CHD4: variants seen among roughly 807,000 people sequenced by gnomAD.
CHD4 encodes chromodomain helicase DNA binding protein 4, also known as ATP-dependent chromatin remodeler CHD4.
In CHD4, 35 loss-of-function variants were observed where a neutral mutation model predicts 235.5. The ratio of observed to expected loss-of-function variants is 0.15; its 90% CI spans 0.11 to 0.20. The LOEUF (loss-of-function observed/expected upper bound fraction) is 0.20. Ranked by LOEUF, CHD4 falls within the 10% of genes least tolerant of loss-of-function variation. CHD4 has a pLI of 1.00. For synonymous variants in CHD4, 900 were observed against 850.2 expected (o/e 1.06, Z -1.02); for missense variants, 1,329 against 2,432.3 (o/e 0.55, Z 9.54).
chr12:6,572,923 TACTA>T, intron 38 of CHD4, 147 bp downstream of exon 38: 1 of 704,550 alleles, frequency 1.4e-6, no homozygotes, highest in Non-Finnish European at 2.3e-6. Flanking sequence ...GCCTCTAAGA[TACTA>T]ACCTCCCAAG....
At chr12:6,585,697 G>C (rs796254830) in intron 25 of CHD4, among the ~76,000 whole-genome samples, 32 of 151,520 alleles carry the variant, frequency 2.1e-4, no homozygotes, top group African/African-American at 7.0e-4. Flanking sequence ...GCTGAGGCAA[G>C]AGAACTGCTT....
rs114047209 is a variant in CHD4, at chr12:6,579,546, T to C, written c.4910-629A>G. The C allele has an allele frequency of 8.4e-3, 1,249 of 148,040 alleles. 22 individuals are homozygous for C. The highest frequency in any genetic ancestry group is 0.03 in the African/African-American group (1,196 of 39,720). The allele number at this position is 148,040 out of a possible 1,614,324, so 9.2% of individuals were successfully genotyped here. The stretch of plus-strand genomic sequence containing the variant: ...TTGCAGTGAGCCAAGATCACACCAC[T>C]GCACTGCACATCAGCCTGGGCGACG... On this transcript the variant is annotated intron_variant, in intron 33 of 39. Coordinates refer to ENST00000544040, the MANE Select transcript of CHD4 (RefSeq NM_001273.5).
rs114435287 is a variant in CHD4, at chr12:6,582,318, C to T, written c.4371-37G>A. 686 of 1,523,008 alleles carry T rather than the reference C, an allele frequency of 4.5e-4. 4 individuals are homozygous for T. The African/African-American group carries it at 8.9e-3, about 20-fold the overall frequency. 94.3% of individuals were successfully genotyped at this position (1,523,008 alleles called of 1,614,324 possible). A position where few individuals can be genotyped will look rare whatever the true frequency, so the allele number is the denominator to read the frequency against. On this transcript the variant is annotated intron_variant, in intron 29 of 39. Coordinates refer to ENST00000544040, the MANE Select transcript of CHD4 (RefSeq NM_001273.5). ...AGTAGAGAAAGAGTTAAATAGGGAT[C>T]ATGCTGACTCTTAGATTCTTTTCCA...
chr12:6,585,692 G>C (rs1361549192), intron 25 of CHD4, among the ~76,000 whole-genome samples: 1 of 151,554 alleles, frequency 6.6e-6, no homozygotes, highest in Non-Finnish European at 1.5e-5. Flanking sequence ...GGGAGGCTGA[G>C]GCAAGAGAAC....
At chr12:6,588,532 C>T (rs946610875) in intron 22 of CHD4, 110 bp from the exon 23 acceptor site, 7 of 1,212,036 alleles carry the variant, frequency 5.8e-6, no homozygotes, top group African/African-American at 1.5e-5. Flanking sequence ...AATCTCAGCA[C>T]TTTGGGAGGC....
chr12:6,592,960 T>C, intron 17 of CHD4, 131 bp downstream of exon 17: 2 of 1,511,034 alleles, frequency 1.3e-6, no homozygotes, highest in Non-Finnish European at 8.9e-7. Context: ...CCAAGGGCTG[T>C]CACATACAAG....
At chr12:6,607,013 G>A (rs566636723) in intron 1 of CHD4, 2 of 149,848 alleles carry the variant, frequency 1.3e-5, no homozygotes, top group Non-Finnish European at 1.5e-5. Context: ...CGGGCCACGT[G>A]TCCCGGGGGG....
At chr12:6,588,496 A>G in intron 22 of CHD4, 74 bp from the exon 23 acceptor site, 3 of 1,546,042 alleles carry the variant, frequency 1.9e-6, no homozygotes, top group East Asian at 2.3e-5. Context: ...TAAAAAATTA[A>G]GCCGGGGGCA....
intron 25 of CHD4, among the ~76,000 whole-genome samples, chr12:6,586,494 G>A (rs1259860900): frequency 2.0e-5 from 3 of 152,056 alleles, no homozygotes; most frequent in Admixed American, 2.0e-4. Flanking sequence ...GGAGGTCAAG[G>A]CAGGAGAACT....
At chr12:6,577,571 T>C (rs1053549857) in intron 37 of CHD4, 16 of 597,478 alleles carry the variant, frequency 2.7e-5, no homozygotes, top group East Asian at 2.1e-4. Flanking sequence ...GTGTCACTGA[T>C]TGGACACATA....
At chr12:6,602,543 G>A (rs1262368798) in intron 2 of CHD4, 46 bp from the exon 3 acceptor site, 4 of 1,603,292 alleles carry the variant, frequency 2.5e-6, no homozygotes, top group African/African-American at 1.4e-5. Context: ...AAGATCAATA[G>A]CAAAAGGTTA....
At chr12:6,598,839 A>G (rs1445479861) in intron 10 of CHD4, among the ~76,000 whole-genome samples, 1 of 152,214 alleles carries the variant, frequency 6.6e-6, no homozygotes, top group African/African-American at 2.4e-5. Flanking sequence ...CATTTCAAAT[A>G]AAATCTAATC....
chr12:6,594,831 A>G (rs564019103), intron 14 of CHD4, among the ~76,000 whole-genome samples, 181 bp from the exon 15 acceptor site: 3 of 152,348 alleles, frequency 2.0e-5, no homozygotes, highest in African/African-American at 7.2e-5. Flanking sequence ...GTCCTCCAGG[A>G]AACAGGGCTT....
Position 6,591,949 on chromosome 12 carries a change from G to A in CHD4, c.3057C>T (p.Cys1019=). 1 of 1,614,250 alleles carries A rather than the reference G, an allele frequency of 6.2e-7. No individual in the cohort carries two copies. The highest frequency in any genetic ancestry group is 8.5e-7 in the Non-Finnish European group (1 of 1,180,052). The part of the protein sequence containing the change: ...LNVVMDLKKC[C]NHPYLFPVAA... The stretch of plus-strand genomic sequence containing the variant: ...CCACAGGGAAGAGGTATGGATGGTT[G>A]CAGCACTTCTTAAGATCCATCACCA... The change falls in exon 20 of 40, where the codon TGC becomes TGT. Residue 1019 remains cysteine, a synonymous_variant. Transcript: ENST00000544040.
intron 38 of CHD4, 187 bp from the exon 39 acceptor site, chr12:6,571,219 A>C: frequency 1.5e-6 from 1 of 648,842 alleles, no homozygotes. Flanking sequence ...ACTGTCCATG[A>C]TTTTGTGCTT....
intron 25 of CHD4, chr12:6,587,163 T>C (rs1030961423): frequency 1.3e-5 from 7 of 549,646 alleles, no homozygotes; most frequent in Non-Finnish European, 2.2e-5. Flanking sequence ...AAAATAACTG[T>C]TGTGAGCATG....
intron 25 of CHD4, among the ~76,000 whole-genome samples, chr12:6,585,885 G>A (rs1948283419): frequency 6.6e-6 from 1 of 151,184 alleles, no homozygotes; most frequent in Non-Finnish European, 1.5e-5. Context: ...ATCACTTGAG[G>A]TCAGGAGTTC....
chr12:6,578,190 G>A (rs1345425527), intron 35 of CHD4, 53 bp from the exon 36 acceptor site: 6 of 1,499,714 alleles, frequency 4.0e-6, no homozygotes, highest in Admixed American at 1.7e-5. Context: ...ACATCTGTGA[G>A]AATTGAAAAA....
chr12:6,572,922 A>C, intron 38 of CHD4, 152 bp downstream of exon 38: 3 of 706,442 alleles, frequency 4.2e-6, no homozygotes, highest in Non-Finnish European at 6.8e-6. Flanking sequence ...TGCCTCTAAG[A>C]TACTAACCTC....
Sources: allele counts gnomAD v4.1 joint callset (sites outside exome capture counted in the v4.1 genomes callset), GRCh38; gene constraint gnomAD v4.1.1; transcripts MANE v1.5; gene names NCBI Gene and HGNC (gene_info 2026-07-23, HGNC 2026-07-21).